The following BAIAP2 variants were observed in gnomAD, a reference collection of about 807,000 sequenced individuals.
BAIAP2 encodes the protein BAR/IMD domain containing adaptor protein 2, also known as BAR/IMD domain-containing adapter protein 2.
In BAIAP2, 18 loss-of-function variants were observed where a neutral mutation model predicts 63.0. The observed-to-expected ratio is 0.29, with a 90% CI of 0.20 to 0.42. BAIAP2 has a LOEUF of 0.42. Ranked by LOEUF, BAIAP2 falls within the 10% of genes least tolerant of loss-of-function variation. The pLI is 1.00. For missense variants in BAIAP2, 610 were observed against 734.3 expected (o/e 0.83, Z 1.96); for synonymous variants, 386 against 307.6 (o/e 1.25, Z -2.67).
At chr17:81,057,645 A>G in intron 2 of BAIAP2, 1 of 1,298,690 alleles carries the variant, frequency 7.7e-7, no homozygotes, top group East Asian at 3.2e-5. Context: ...CAGGACCTGA[A>G]CTGGTACGTT....
At chr17:81,080,027 A>T (rs2054327376) in intron 3 of BAIAP2, among the ~76,000 whole-genome samples, 1 of 152,022 alleles carries the variant, frequency 6.6e-6, no homozygotes, top group Non-Finnish European at 1.5e-5. Context: ...AGCCCTCGCT[A>T]CTCCGTCTTC....
intron 13 of BAIAP2, 118 bp from the exon 14 acceptor site, chr17:81,115,652 T>C (rs2060471319): frequency 1.6e-6 from 2 of 1,218,320 alleles, no homozygotes; most frequent in Non-Finnish European, 2.4e-6. Context: ...CTCTGTGCCC[T>C]GAGATCGGAC....
At chr17:81,095,334 A>G (rs2057443170) in intron 6 of BAIAP2, among the ~76,000 whole-genome samples, 1 of 152,130 alleles carries the variant, frequency 6.6e-6, no homozygotes, top group South Asian at 2.1e-4. Flanking sequence ...TGCCCCGTAT[A>G]GGTCATCCCC....
At chr17:81,102,213 C>G (rs537775167) in intron 7 of BAIAP2, among the ~76,000 whole-genome samples, 2 of 152,064 alleles carry the variant, frequency 1.3e-5, no homozygotes, top group Non-Finnish European at 2.9e-5. Flanking sequence ...CAGGGCAGTT[C>G]GTAGTAGCTC....
intron 10 of BAIAP2, 46 bp from the exon 11 acceptor site, chr17:81,106,032 G>C: frequency 6.6e-6 from 10 of 1,525,932 alleles, no homozygotes; most frequent in Non-Finnish European, 8.9e-6. Context: ...GGGGGATGGG[G>C]AGCCTCTGGG....
At chr17:81,077,191 C>T (rs4969244) in intron 3 of BAIAP2, among the ~76,000 whole-genome samples, 33,068 of 152,012 alleles carry the variant, frequency 0.22, 4,322 homozygotes, top group Admixed American at 0.34. Context: ...TGAAAGTGTC[C>T]GGGCAGTCAG....
At chr17:81,115,733 C>G in intron 13 of BAIAP2, 37 bp from the exon 14 acceptor site, 1 of 1,612,914 alleles carries the variant, frequency 6.2e-7, no homozygotes, top group Non-Finnish European at 8.5e-7. Flanking sequence ...CCCATGGCTT[C>G]CGCCCTAAAA....
intron 3 of BAIAP2, among the ~76,000 whole-genome samples, chr17:81,072,680 C>T (rs1406699149): frequency 6.6e-6 from 1 of 152,194 alleles, no homozygotes; most frequent in Non-Finnish European, 1.5e-5. Flanking sequence ...GGCCACGCCT[C>T]CCACTCTGAG....
chr17:81,036,805 A>G, intron 1 of BAIAP2: 1 of 1,393,694 alleles, frequency 7.2e-7, no homozygotes, highest in Admixed American at 2.0e-5. Flanking sequence ...TTGTCAAGGG[A>G]GGGAGGTTTA....
At chr17:81,040,046 C>G (rs2046865923) in intron 1 of BAIAP2, among the ~76,000 whole-genome samples, 1 of 151,634 alleles carries the variant, frequency 6.6e-6, no homozygotes, top group Non-Finnish European at 1.5e-5. Flanking sequence ...ATGGCCCTCT[C>G]TGCCAGCTGC....
chr17:81,040,530 G>T (rs1192797063), intron 1 of BAIAP2, among the ~76,000 whole-genome samples: 1 of 152,288 alleles, frequency 6.6e-6, no homozygotes, highest in East Asian at 1.9e-4. Context: ...GACTGCAAGG[G>T]CTTGATCTGT....
At chr17:81,037,567 T>C (rs1481520730) in intron 1 of BAIAP2, among the ~76,000 whole-genome samples, 4 of 152,236 alleles carry the variant, frequency 2.6e-5, no homozygotes, top group Non-Finnish European at 4.4e-5. Context: ...AGGCCACCGG[T>C]GTGCACTCCT....
Position 81,104,568 on chromosome 17 carries a change from A to C in BAIAP2, c.1121A>C (p.Asn374Thr), listed in dbSNP as rs370295048. 1.2e-6 allele frequency: 2 copies of C among 1,611,740 alleles called. No homozygotes were observed. Among genetic ancestry groups the C allele is most frequent in the Non-Finnish European group, 1.7e-6 (2 of 1,179,738 alleles). The change falls in exon 10 of 14, where the codon AAT becomes ACT. Residue 374 changes from asparagine (N) to threonine (T), a missense_variant. Physicochemically the swap from Asn to Thr is moderately conservative, Grantham distance 65 (BLOSUM62 0). This residue lies in a region of BAIAP2 where 67 missense variants were observed against 132.0 expected (regional missense o/e 0.51). Coordinates refer to ENST00000428708, the MANE Select transcript of BAIAP2 (RefSeq NM_001144888.2). ...SSSMAAGLERNGRMRVKAIFS... is the reference protein window; with the variant it reads ...SSSMAAGLERTGRMRVKAIFS... ...TCCATGGCAGCCGGCCTGGAGCGCA[A>C]TGGCCGTATGCGGGTGAAGGCCATC...
At chr17:81,055,778 G>A (rs989326586) in intron 2 of BAIAP2, among the ~76,000 whole-genome samples, 1 of 151,842 alleles carries the variant, frequency 6.6e-6, no homozygotes, top group Non-Finnish European at 1.5e-5. Flanking sequence ...TGTTAGCCAG[G>A]ATGGTCTCGA....
chr17:81,082,753 G>A (rs1312989480), intron 3 of BAIAP2, among the ~76,000 whole-genome samples: 1 of 152,234 alleles, frequency 6.6e-6, no homozygotes, highest in African/African-American at 2.4e-5. Context: ...TGACTTGGGA[G>A]TCTGGGTGGC....
At chr17:81,078,837 G>A (rs1467184981) in intron 3 of BAIAP2, among the ~76,000 whole-genome samples, 1 of 152,102 alleles carries the variant, frequency 6.6e-6, no homozygotes, top group Admixed American at 6.5e-5. Flanking sequence ...AGCTCTCAGG[G>A]CTCCTGAGTT....
chr17:81,085,615 T>C (rs1366725739), intron 4 of BAIAP2, 39 bp from the exon 5 acceptor site: 8 of 1,565,896 alleles, frequency 5.1e-6, no homozygotes, highest in African/African-American at 2.7e-5. Context: ...GGTCCATGTG[T>C]TGGAGCTGAC....
rs756367448 is a variant in BAIAP2 at position 81,103,886 on chromosome 17, G to A, written c.865-21G>A. ...CCGGGGTGGGCTCCAGCAACAGCCT[G>A]CTCTGCCTGCTTCCCTGCAGCGGAT... On this transcript the variant is annotated intron_variant, in intron 8 of 13. Transcript: ENST00000428708. The A allele has an allele frequency of 5.0e-6, 8 of 1,612,088 alleles. No individual in the cohort carries two copies. The East Asian group carries it at 8.9e-5, about 18-fold the overall frequency.
chr17:81,036,810 G>A, intron 1 of BAIAP2: 10 of 1,423,918 alleles, frequency 7.0e-6, no homozygotes, highest in Non-Finnish European at 7.7e-6. Flanking sequence ...AAGGGAGGGA[G>A]GTTTATTAAA....
Sources: allele counts gnomAD v4.1 joint callset (sites outside exome capture counted in the v4.1 genomes callset), GRCh38; gene constraint gnomAD v4.1.1; regional missense constraint gnomAD v4.1.1; transcripts MANE v1.5; gene names NCBI Gene and HGNC (gene_info 2026-07-23, HGNC 2026-07-21).